Variants in TRHDE observed in about 807,000 individuals in gnomAD.
TRHDE encodes thyrotropin-releasing hormone-degrading ectoenzyme.
Under a neutral mutation model 125.7 loss-of-function variants are expected in TRHDE, and 72 were observed. The ratio of observed to expected loss-of-function variants is 0.57; its 90% CI spans 0.47 to 0.70. TRHDE has a LOEUF of 0.70. Ranked by LOEUF, TRHDE falls within the 30% of genes least tolerant of loss-of-function variation. The pLI, the probability that TRHDE is intolerant of heterozygous loss-of-function variation, is 0.00. For missense variants in TRHDE, 1,110 were observed against 1,327.1 expected, an observed-to-expected ratio of 0.84 and a Z score of 2.54; for synonymous variants, 509 against 509.1, an observed-to-expected ratio of 1.00 and a Z score of 0.00.
intron 9 of TRHDE, among the ~76,000 whole-genome samples, chr12:72,566,358 T>C (rs1371503855): frequency 6.6e-6 from 1 of 151,632 alleles, no homozygotes; most frequent in African/African-American, 2.4e-5. Flanking sequence ...AAAGTTTGTA[T>C]CCCCAAACCT....
intron 2 of TRHDE, among the ~76,000 whole-genome samples, chr12:72,170,681 T>A (rs958014647): frequency 6.6e-6 from 1 of 152,172 alleles, no homozygotes; most frequent in South Asian, 2.1e-4. Context: ...AAGAGTTTGC[T>A]CTTGTAACAA....
intron 3 of TRHDE, among the ~76,000 whole-genome samples, chr12:72,407,821 A>G (rs1873331252): frequency 6.6e-6 from 1 of 152,204 alleles, no homozygotes; most frequent in Non-Finnish European, 1.5e-5. Flanking sequence ...TGGGAACCCC[A>G]AGGAATGAGA....
At chr12:72,310,404 T>TA in intron 2 of TRHDE, among the ~76,000 whole-genome samples, 1 of 152,374 alleles carries the variant, frequency 6.6e-6, no homozygotes, top group South Asian at 2.1e-4. Flanking sequence ...GCTTTTCACT[T>TA]ACTTAAAAAT....
intron 10 of TRHDE, 130 bp from the exon 11 acceptor site, chr12:72,575,125 G>A: frequency 1.2e-6 from 1 of 828,262 alleles, no homozygotes; most frequent in Non-Finnish European, 1.9e-6. Flanking sequence ...TTAAAGAGTA[G>A]GCTTCAATTA....
intron 1 of TRHDE, among the ~76,000 whole-genome samples, chr12:72,091,616 T>C (rs1350746406): frequency 6.6e-6 from 1 of 152,126 alleles, no homozygotes. Context: ...AGAATATTGT[T>C]GGAGGCCGAA....
chr12:72,368,170 G>A (rs955793386), intron 2 of TRHDE, among the ~76,000 whole-genome samples: 24 of 152,166 alleles, frequency 1.6e-4, no homozygotes, highest in African/African-American at 5.1e-4. Context: ...CCTTGAAATC[G>A]AATCAATGAC....
At chr12:72,120,845 A>AT (rs981332052) in intron 2 of TRHDE, among the ~76,000 whole-genome samples, 4 of 150,992 alleles carry the variant, frequency 2.6e-5, no homozygotes, top group Non-Finnish European at 4.4e-5. Context: ...CGCCCGGCTA[A>AT]TTTTTTTGTA....
chr12:72,502,452 G>A lies in TRHDE; in HGVS notation c.1722+2817G>A, dbSNP rs559145315. On this transcript the variant is annotated intron_variant, in intron 6 of 18. Transcript: ENST00000261180. ...TGTATTATTTAGATTACAAATATTA[G>A]AAGATTTTTCCAGAAAATTTTCTGT... 1.2e-4 allele frequency among the ~76,000 whole-genome samples: 18 copies of A among 152,102 alleles called. No homozygotes were observed. In the South Asian group the frequency reaches 3.5e-3, roughly 30 times the overall value.
chr12:72,092,447 C>T (rs1874812506), intron 1 of TRHDE, among the ~76,000 whole-genome samples: 1 of 152,178 alleles, frequency 6.6e-6, no homozygotes, highest in Admixed American at 6.5e-5. Context: ...TGGAGAAACT[C>T]AAACAGTACA....
rs184522606 is a variant in TRHDE, at chr12:72,301,045, G to T, written c.1188+14091G>T. On this transcript the variant is annotated intron_variant, in intron 2 of 18. Transcript: ENST00000261180. ...AGGACTGGCCACAGTGAAGCATTTTGCTTCCTTTCTTCCCCTGAAACTTAG... is the reference window on the plus strand; with the variant it reads ...AGGACTGGCCACAGTGAAGCATTTTTCTTCCTTTCTTCCCCTGAAACTTAG... Among the ~76,000 whole-genome samples, 177 of 152,180 alleles carry T rather than the reference G, an allele frequency of 1.2e-3. No homozygotes were observed. In the Middle Eastern group the frequency reaches 0.014, roughly 12 times the overall value.
chr12:72,305,588 G>A (rs115483284), intron 2 of TRHDE, among the ~76,000 whole-genome samples: 11 of 152,268 alleles, frequency 7.2e-5, no homozygotes, highest in Admixed American at 4.6e-4. Context: ...CTATGAGAGC[G>A]GTTGTATTAG....
Position 72,228,741 on chromosome 12 carries a change from C to T in TRHDE, n.279+122989C>T, listed in dbSNP as rs151103834. Among the ~76,000 whole-genome samples, 166 of 152,320 alleles carry T rather than the reference C, an allele frequency of 1.1e-3. 1 individual carries two copies. The East Asian group carries it at 0.017, about 16-fold the overall frequency. ...TAAAACTGAATGCTTTTAACAATATCCAAGTCATCTCTTGAATGCTTTGCT... is the reference window on the plus strand; with the variant it reads ...TAAAACTGAATGCTTTTAACAATATTCAAGTCATCTCTTGAATGCTTTGCT... On this transcript the variant is annotated intron_variant and non_coding_transcript_variant, in intron 2 of 4. Transcript: ENST00000548156.
At chr12:72,509,268 C>T (rs1878484096) in intron 6 of TRHDE, among the ~76,000 whole-genome samples, 1 of 151,644 alleles carries the variant, frequency 6.6e-6, no homozygotes, top group African/African-American at 2.4e-5. Context: ...ATAATAACCA[C>T]CGCACCCCCC....
chr12:72,208,646 T>C (rs536547472), intron 2 of TRHDE, among the ~76,000 whole-genome samples: 1 of 152,310 alleles, frequency 6.6e-6, no homozygotes, highest in African/African-American at 2.4e-5. Context: ...TTGGGAATAA[T>C]AATAGTATCT....
chr12:72,112,944 A>G (rs1425570875), intron 2 of TRHDE, among the ~76,000 whole-genome samples: 1 of 152,194 alleles, frequency 6.6e-6, no homozygotes, highest in Non-Finnish European at 1.5e-5. Context: ...GCCATTACAC[A>G]GGCTAGCCAG....
intron 2 of TRHDE, among the ~76,000 whole-genome samples, chr12:72,209,821 T>A (rs1170345723): frequency 2.0e-5 from 3 of 152,240 alleles, no homozygotes; most frequent in African/African-American, 7.2e-5. Flanking sequence ...AGTACATATT[T>A]GCTTACAGTT....
At chr12:72,513,903 C>A (rs949840279) in intron 6 of TRHDE, among the ~76,000 whole-genome samples, 1 of 152,084 alleles carries the variant, frequency 6.6e-6, no homozygotes, top group African/African-American at 2.4e-5. Flanking sequence ...ATAAACCTAT[C>A]CCCATCCTCA....
chr12:72,277,955 A>G (rs1282732534), intron 1 of TRHDE, among the ~76,000 whole-genome samples: 1 of 152,166 alleles, frequency 6.6e-6, no homozygotes, highest in Non-Finnish European at 1.5e-5. Context: ...GAGAATGTTT[A>G]ACATCTACTC....
chr12:72,665,362 G>A lies in TRHDE; in HGVS notation c.*2167G>A, dbSNP rs928451087. ...AGTATTTTAGTGGCCTTGAACAACT[G>A]GTTTATCTACAATCTCAAATCCTAA... is the stretch of plus-strand genomic sequence containing the variant. On this transcript the variant is annotated 3_prime_UTR_variant, in exon 19 of 19. Transcript: ENST00000261180. The A allele has an allele frequency of 1.3e-5, 2 of 152,288 alleles. No homozygotes were observed. The highest frequency in any genetic ancestry group is 4.8e-5 in the African/African-American group (2 of 41,350). 9.4% of individuals were successfully genotyped at this position (152,288 alleles called of 1,614,324 possible).
Sources: gnomAD v4.1 joint callset for allele counts (sites outside exome capture counted in the v4.1 genomes callset) on GRCh38, gnomAD v4.1.1 for gene constraint, MANE v1.5 for transcripts, NCBI Gene and HGNC (gene_info 2026-07-23, HGNC 2026-07-21) for gene names.